The following LRRC42 variants were observed in gnomAD, a reference collection of about 807,000 sequenced individuals.
LRRC42 encodes the protein leucine rich repeat containing 42.
A neutral mutation model predicts 44.3 loss-of-function variants in LRRC42; 43 were observed. That is an observed-to-expected ratio of 0.97 (90% CI 0.76 to 1.25). LRRC42 has a LOEUF of 1.25. LRRC42 is among the 50% of genes most tolerant of loss of function. LRRC42 has a pLI of 0.00. For synonymous variants in LRRC42, 207 were observed against 195.2 expected (o/e 1.06, Z -0.50); for missense variants, 540 against 509.1 (o/e 1.06, Z -0.58).
chr1:53,947,069 T>G (rs1188107677), intron 1 of LRRC42, among the ~76,000 whole-genome samples: 7 of 117,034 alleles, frequency 6.0e-5, no homozygotes, highest in Admixed American at 9.1e-5. Context: ...GCCCCTAGAG[T>G]GGGAAGAAGG....
At position 53,952,182 on chromosome 1, in the gene LRRC42, C is replaced by CG. The variant is rs1557644142; in HGVS notation, c.184dup (p.Asp62GlyfsTer9). On this transcript the variant is annotated frameshift_variant, in exon 3 of 9. Coordinates refer to ENST00000371370, the MANE Select transcript of LRRC42 (RefSeq NM_001256409.2). LOFTEE classifies it high-confidence loss of function. ...TGGAGCTTTGCATGAACAGGGAAGA[C>CG]GACACTGCACGGAAAGAGAAGACTG... The CG allele has an allele frequency of 6.2e-7, 1 of 1,614,076 alleles. No individual in the cohort carries two copies. The highest frequency in any genetic ancestry group is 1.3e-5 in the African/African-American group (1 of 74,918).
At chr1:53,948,456 T>C (rs1270023117) in intron 2 of LRRC42, among the ~76,000 whole-genome samples, 1 of 152,238 alleles carries the variant, frequency 6.6e-6, no homozygotes, top group African/African-American at 2.4e-5. Context: ...TTTGATGAAA[T>C]GGTACACTTC....
intron 2 of LRRC42, among the ~76,000 whole-genome samples, chr1:53,950,695 A>G (rs1306412447): frequency 6.6e-6 from 1 of 152,246 alleles, no homozygotes; most frequent in Non-Finnish European, 1.5e-5. Context: ...ATTTTATGTA[A>G]CATAGCAATT....
At chr1:53,958,029 T>C (rs982750422) in intron 3 of LRRC42, 120 bp from the exon 4 acceptor site, 1 of 1,227,440 alleles carries the variant, frequency 8.1e-7, no homozygotes, top group Non-Finnish European at 1.1e-6. Context: ...TGAAGTCTGC[T>C]TATTCCATAG....
intron 7 of LRRC42, 100 bp from the exon 8 acceptor site, chr1:53,966,196 G>T (rs557701698): frequency 1.7e-5 from 14 of 846,320 alleles, no homozygotes; most frequent in African/African-American, 3.4e-5. Flanking sequence ...TTACCAGAGG[G>T]GTTTGTGTTT....
chr1:53,962,334 AG>A lies in LRRC42; in HGVS notation c.854del (p.Gly285AlafsTer9). ...TVKHKLQTHI[G>X]LVHSKVPLKE... The stretch of plus-strand genomic sequence containing the variant: ...TCAAGCACAAGCTCCAGACCCACAT[AG>A]GCCTTGTTCACTCCAAAGTGCCTTT... On this transcript the variant is annotated frameshift_variant, in exon 7 of 9. Coordinates refer to ENST00000371370, the MANE Select transcript of LRRC42 (RefSeq NM_001256409.2). LOFTEE classifies it high-confidence loss of function. The A allele has an allele frequency of 1.2e-6, 2 of 1,614,078 alleles. No individual in the cohort carries two copies. Among genetic ancestry groups the A allele is most frequent in the Non-Finnish European group, 1.7e-6 (2 of 1,179,918 alleles).
intron 4 of LRRC42, among the ~76,000 whole-genome samples, chr1:53,959,788 A>G (rs966800899): frequency 2.0e-5 from 3 of 152,170 alleles, no homozygotes; most frequent in Admixed American, 6.5e-5. Context: ...GTTTTAAAGT[A>G]TATTTATCCC....
chr1:53,962,178 C>T, intron 6 of LRRC42, 56 bp downstream of exon 6: 13 of 1,513,506 alleles, frequency 8.6e-6, no homozygotes, highest in Admixed American at 1.7e-5. Flanking sequence ...TGATATTTTG[C>T]CTGTGCTAAT....
Position 53,960,352 on chromosome 1 carries a change from C to G in LRRC42, c.606-4C>G, listed in dbSNP as rs1325931234. ...TAATTTATGTATGTACTTTGTTTCC[C>G]TAGTGTAACTCAGCTCCACCTGAAG... On this transcript the variant is annotated splice_polypyrimidine_tract_variant and splice_region_variant and intron_variant, in intron 4 of 8. Transcript: ENST00000371370. The G allele has an allele frequency of 1.0e-5, 16 of 1,599,758 alleles. No homozygotes were observed. Among genetic ancestry groups the G allele is most frequent in the East Asian group, 2.2e-5 (1 of 44,792 alleles).
In LRRC42 at chr1:53,967,916, T is replaced by G; in HGVS notation, c.1264T>G (p.Trp422Gly). Residue 422 changes from tryptophan to glycine, a missense_variant, in exon 9 of 9, where the codon TGG (tryptophan) becomes GGG (glycine). Transcript: ENST00000371370. ...ATATGTATGTCTTGCTGTGGAAGAC[T>G]GGGACTTGTTAAATTCCTATTGATT... Reference protein sequence around the residue: ...QKYVCLAVEDWDLLNSY With the variant: ...QKYVCLAVEDGDLLNSY 1 of 1,613,856 alleles carries G rather than the reference T, an allele frequency of 6.2e-7. No individual in the cohort carries two copies.
chr1:53,951,266 GTATT>G (rs1654671388), intron 2 of LRRC42, among the ~76,000 whole-genome samples: 1 of 152,196 alleles, frequency 6.6e-6, no homozygotes, highest in South Asian at 2.1e-4. Flanking sequence ...AAGTCATAAT[GTATT>G]TATTAACATC....
intron 3 of LRRC42, among the ~76,000 whole-genome samples, chr1:53,956,164 GAAAAT>G (rs2100922994): frequency 6.6e-6 from 1 of 152,240 alleles, no homozygotes; most frequent in East Asian, 1.9e-4. Flanking sequence ...AAAAATAAAT[GAAAAT>G]AAAATAACTG....
chr1:53,961,554 C>T lies in LRRC42; in HGVS notation c.725-480C>T, dbSNP rs201045027. Among the ~76,000 whole-genome samples the T allele has an allele frequency of 6.6e-5, 10 of 152,118 alleles. No homozygotes were observed. In the East Asian group the frequency reaches 1.5e-3, roughly 23 times the overall value. ...CAATGCTAAGTGTAGTACTCTCTGA[C>T]GTGAGAAAGTAATATATAAGAAAGG... On this transcript the variant is annotated intron_variant, in intron 5 of 8. Transcript: ENST00000371370.
At position 53,960,478 on chromosome 1, in the gene LRRC42, A is replaced by G; in HGVS notation, c.724+4A>G. The G allele has an allele frequency of 3.2e-6, 5 of 1,567,990 alleles. No homozygotes were observed. Among genetic ancestry groups the G allele is most frequent in the Non-Finnish European group, 4.4e-6 (5 of 1,142,126 alleles). ...CTAACATTATTAGACTTATCATGTA[A>G]GTTTTCTTCGAAATTATAGATTATT... is the stretch of plus-strand genomic sequence containing the variant. On this transcript the variant is annotated splice_donor_region_variant and intron_variant, in intron 5 of 8. Transcript: ENST00000371370.
intron 2 of LRRC42, among the ~76,000 whole-genome samples, chr1:53,948,401 T>C (rs1654585562): frequency 6.6e-6 from 1 of 152,214 alleles, no homozygotes; most frequent in Admixed American, 6.5e-5. Flanking sequence ...TCAAGAAAGC[T>C]GTATAGAACT....
chr1:53,958,900 C>T (rs931598756), intron 4 of LRRC42, among the ~76,000 whole-genome samples: 1 of 151,076 alleles, frequency 6.6e-6, no homozygotes, highest in Non-Finnish European at 1.5e-5. Context: ...TTATTTATTT[C>T]TTTAGACGGA....
chr1:53,957,929 T>TATTG (rs1209294943), intron 3 of LRRC42, among the ~76,000 whole-genome samples: 1 of 152,156 alleles, frequency 6.6e-6, no homozygotes, highest in African/African-American at 2.4e-5. Flanking sequence ...TTTATTTATT[T>TATTG]ATTCAAAATT....
In LRRC42 at chr1:53,964,998, G is replaced by GT. The variant is rs971309041; in HGVS notation, c.928-1289dup. Among the ~76,000 whole-genome samples the GT allele has an allele frequency of 4.1e-4, 54 of 131,862 alleles. 1 individual carries two copies. Among genetic ancestry groups the GT allele is most frequent in the African/African-American group, 1.1e-3 (32 of 28,570 alleles). 86.5% of individuals were successfully genotyped at this position (131,862 alleles called of 152,430 possible). A position where few individuals can be genotyped will look rare whatever the true frequency, so the allele number is the denominator to read the frequency against. ...ACTGTGCCTGGCCTGGAACTGTATT[G>GT]TTTTTTTTTGTTTTTTTTTTTTTTG... On this transcript the variant is annotated intron_variant, in intron 7 of 8. Transcript: ENST00000371370.
chr1:53,959,784 A>G (rs1349690947), intron 4 of LRRC42, among the ~76,000 whole-genome samples: 1 of 152,150 alleles, frequency 6.6e-6, no homozygotes, highest in Non-Finnish European at 1.5e-5. Flanking sequence ...TTTTGTTTTA[A>G]AGTATATTTA....
Sources: gnomAD v4.1 joint callset for allele counts (sites outside exome capture counted in the v4.1 genomes callset) on GRCh38, gnomAD v4.1.1 for gene constraint, MANE v1.5 for transcripts, NCBI Gene and HGNC (gene_info 2026-07-23, HGNC 2026-07-21) for gene names.